Variants in CABCOCO1 observed in about 807,000 individuals in gnomAD.
The protein encoded by CABCOCO1 is ciliary associated calcium binding coiled-coil 1.
Under a neutral mutation model 35.7 loss-of-function variants are expected in CABCOCO1, and 28 were observed. The ratio of observed to expected loss-of-function variants is 0.78; its 90% CI spans 0.58 to 1.07. The LOEUF is 1.07. CABCOCO1 is among the 50% of genes least tolerant of loss of function. The pLI, the probability that CABCOCO1 is intolerant of heterozygous loss-of-function variation, is 0.00. For missense variants in CABCOCO1, 326 were observed against 309.2 expected, an observed-to-expected ratio of 1.05 and a Z score of -0.41; for synonymous variants, 95 against 100.1, an observed-to-expected ratio of 0.95 and a Z score of 0.30.
chr10:61,723,840 G>A (rs1352072360), intron 5 of CABCOCO1, among the ~76,000 whole-genome samples: 2 of 152,046 alleles, frequency 1.3e-5, no homozygotes, highest in South Asian at 4.1e-4. Context: ...GAGGCTGGAG[G>A]GAACACAACC....
chr10:61,749,442 C>A (rs138827733), intron 5 of CABCOCO1, among the ~76,000 whole-genome samples: 2 of 152,176 alleles, frequency 1.3e-5, no homozygotes, highest in African/African-American at 2.4e-5. Flanking sequence ...TCTTTATGCA[C>A]GCAATGCTTT....
intron 5 of CABCOCO1, among the ~76,000 whole-genome samples, chr10:61,730,013 C>T (rs888927505): frequency 2.6e-5 from 4 of 152,004 alleles, no homozygotes; most frequent in Admixed American, 1.3e-4. Flanking sequence ...CAACATTGTA[C>T]CTACAGTCAA....
intron 5 of CABCOCO1, among the ~76,000 whole-genome samples, chr10:61,696,190 G>A (rs191195679): frequency 3.3e-5 from 5 of 152,102 alleles, no homozygotes; most frequent in Admixed American, 6.6e-5. Flanking sequence ...TTGTTTTTGA[G>A]GAAAGTAAAA....
intron 2 of CABCOCO1, among the ~76,000 whole-genome samples, chr10:61,680,644 AAT>A (rs1452958114): frequency 2.0e-4 from 18 of 92,128 alleles, no homozygotes; most frequent in South Asian, 1.7e-3. Flanking sequence ...ATACATATAT[AAT>A]ATATATTATG....
intron 1 of CABCOCO1, among the ~76,000 whole-genome samples, chr10:61,665,650 G>A (rs1270040210): frequency 1.3e-5 from 2 of 152,070 alleles, no homozygotes. Flanking sequence ...CACTTTGGGA[G>A]GCCGAGGCGG....
At chr10:61,666,693 G>A (rs1224916345) in intron 1 of CABCOCO1, among the ~76,000 whole-genome samples, 1 of 151,702 alleles carries the variant, frequency 6.6e-6, no homozygotes, top group Non-Finnish European at 1.5e-5. Flanking sequence ...AGCAAGTCTA[G>A]AATTTTTTTA....
intron 3 of CABCOCO1, among the ~76,000 whole-genome samples, chr10:61,683,667 T>A (rs1299044869): frequency 6.6e-6 from 1 of 152,242 alleles, no homozygotes; most frequent in Non-Finnish European, 1.5e-5. Flanking sequence ...GTCTAGTATG[T>A]TCTTTCATTA....
intron 2 of CABCOCO1, among the ~76,000 whole-genome samples, chr10:61,677,396 T>C (rs1013097255): frequency 2.0e-5 from 3 of 152,220 alleles, no homozygotes; most frequent in Admixed American, 1.3e-4. Context: ...ATTTCTGATC[T>C]ATTATTAACT....
chr10:61,710,148 GTA>G, intron 5 of CABCOCO1, among the ~76,000 whole-genome samples: 1 of 151,874 alleles, frequency 6.6e-6, no homozygotes, highest in Non-Finnish European at 1.5e-5. Flanking sequence ...TTTTTTGTGT[GTA>G]TATCACTGAT....
intron 5 of CABCOCO1, among the ~76,000 whole-genome samples, chr10:61,733,043 A>G (rs1018233193): frequency 6.6e-6 from 1 of 152,048 alleles, no homozygotes; most frequent in African/African-American, 2.4e-5. Flanking sequence ...AGATTTATGT[A>G]ACTATCTACC....
At chr10:61,734,053 AC>A (rs1841362664) in intron 5 of CABCOCO1, among the ~76,000 whole-genome samples, 1 of 152,046 alleles carries the variant, frequency 6.6e-6, no homozygotes, top group East Asian at 1.9e-4. Flanking sequence ...CCCCCCGCTT[AC>A]CCCCAGTTGA....
chr10:61,694,595 C>A, intron 5 of CABCOCO1, among the ~76,000 whole-genome samples: 1 of 151,812 alleles, frequency 6.6e-6, no homozygotes, highest in East Asian at 1.9e-4. Flanking sequence ...GTCAACACTT[C>A]CACTGAGAAC....
chr10:61,732,937 T>C (rs1841337384), intron 5 of CABCOCO1, among the ~76,000 whole-genome samples: 1 of 152,064 alleles, frequency 6.6e-6, no homozygotes, highest in Non-Finnish European at 1.5e-5. Context: ...ATCTTTATCA[T>C]TACAGTGAAT....
intron 5 of CABCOCO1, among the ~76,000 whole-genome samples, chr10:61,704,947 A>G (rs941511506): frequency 5.9e-5 from 9 of 152,026 alleles, no homozygotes; most frequent in African/African-American, 1.7e-4. Flanking sequence ...GTTCTCCTCC[A>G]TGAATGGCTT....
At chr10:61,682,973 C>T (rs1839843904) in intron 3 of CABCOCO1, among the ~76,000 whole-genome samples, 2 of 150,354 alleles carry the variant, frequency 1.3e-5, no homozygotes, top group South Asian at 2.1e-4. Context: ...TCACTGCAAC[C>T]TCCGCCTCCT....
chr10:61,764,744 C>T lies in CABCOCO1; in HGVS notation c.817-1195C>T, dbSNP rs113129686. 6.1e-3 allele frequency among the ~76,000 whole-genome samples: 933 copies of T among 151,958 alleles called. 8 individuals are homozygous for T. Among genetic ancestry groups the T allele is most frequent in the African/African-American group, 0.021 (863 of 41,454 alleles). On this transcript the variant is annotated intron_variant, in intron 7 of 7. Transcript: ENST00000648843. ...AAGGAAAAGATAAGAAACCAGAGGC[C>T]GGAGCTTGATCCCAAGGTTTACTAA...
In CABCOCO1 at chr10:61,709,866, C is replaced by T. The variant is rs558368969; in HGVS notation, c.552+19245C>T. Among the ~76,000 whole-genome samples, 72 of 152,072 alleles carry T rather than the reference C, an allele frequency of 4.7e-4. No individual in the cohort carries two copies. The South Asian group carries it at 0.014, about 30-fold the overall frequency. Reference sequence around the variant, plus strand: ...TTGTGCTGAGCAGCTTTTCAAAAAACACATTTTTCAGATTAATGGAAATGT... The same window carrying T: ...TTGTGCTGAGCAGCTTTTCAAAAAATACATTTTTCAGATTAATGGAAATGT... On this transcript the variant is annotated intron_variant, in intron 5 of 7. Coordinates refer to ENST00000648843, the MANE Select transcript of CABCOCO1 (RefSeq NM_001366906.2).
intron 5 of CABCOCO1, among the ~76,000 whole-genome samples, chr10:61,732,976 G>A (rs1439967842): frequency 6.6e-6 from 1 of 151,994 alleles, no homozygotes; most frequent in African/African-American, 2.4e-5. Context: ...GGGATCAAGT[G>A]AACCAGTTTG....
At chr10:61,730,988 A>C (rs910555799) in intron 5 of CABCOCO1, among the ~76,000 whole-genome samples, 1 of 151,684 alleles carries the variant, frequency 6.6e-6, no homozygotes, top group African/African-American at 2.4e-5. Context: ...ATATTTAAAT[A>C]AAACATATGC....
Sources: gnomAD v4.1 joint callset for allele counts (sites outside exome capture counted in the v4.1 genomes callset) on GRCh38, gnomAD v4.1.1 for gene constraint, MANE v1.5 for transcripts, NCBI Gene and HGNC (gene_info 2026-07-23, HGNC 2026-07-21) for gene names.